The following CHID1 variants were observed in gnomAD, a reference collection of about 807,000 sequenced individuals.
CHID1 encodes chitinase domain-containing protein 1.
A neutral mutation model predicts 55.4 loss-of-function variants in CHID1; 44 were observed. The observed-to-expected ratio is 0.79, with a 90% CI of 0.62 to 1.02. The LOEUF is 1.02. Among genes scored for constraint, CHID1 ranks in the 50% least tolerant of loss-of-function variants. The pLI, the probability that CHID1 is intolerant of heterozygous loss-of-function variation, is 0.00. For synonymous variants in CHID1, 216 were observed against 212.9 expected, an observed-to-expected ratio of 1.01 and a Z score of -0.13; for missense variants, 491 against 515.3, an observed-to-expected ratio of 0.95 and a Z score of 0.46.
chr11:871,183 C>T (rs572076152), intron 10 of CHID1, among the ~76,000 whole-genome samples: 201 of 152,120 alleles, frequency 1.3e-3, no homozygotes, highest in Middle Eastern at 6.8e-3. Flanking sequence ...AGTAGAGATG[C>T]GGTTTCACCG....
At chr11:893,701 G>A (rs1462845381) in intron 7 of CHID1, among the ~76,000 whole-genome samples, 182 bp from the exon 8 acceptor site, 2 of 150,908 alleles carry the variant, frequency 1.3e-5, no homozygotes, top group Non-Finnish European at 3.0e-5. Context: ...CAACAACACT[G>A]TCTCATGCCC....
At chr11:882,978 G>T (rs1298734034) in intron 10 of CHID1, 170 bp downstream of exon 10, 2 of 669,722 alleles carry the variant, frequency 3.0e-6, no homozygotes, top group Non-Finnish European at 2.5e-6. Context: ...TGGGGGCTGC[G>T]GTGGGGTGGG....
At chr11:900,864 A>G in intron 5 of CHID1, 72 bp downstream of exon 5, 10 of 1,271,208 alleles carry the variant, frequency 7.9e-6, no homozygotes, top group Non-Finnish European at 1.1e-5. Context: ...ACACGTGGAG[A>G]CCCCAGTGCC....
intron 2 of CHID1, among the ~76,000 whole-genome samples, chr11:904,258 G>C (rs7947748): frequency 6.6e-6 from 1 of 152,214 alleles, no homozygotes; most frequent in African/African-American, 2.4e-5. Flanking sequence ...CATGGGGACT[G>C]CTGGGGCTGA....
rs922714315 is a variant in CHID1 at position 886,794 on chromosome 11, C to T, written c.702-2625G>A. On this transcript the variant is annotated intron_variant, in intron 8 of 12. Coordinates refer to ENST00000323578, the MANE Select transcript of CHID1 (RefSeq NM_023947.4). ...AGCCCCCCAGCTCACAGCCCCACAT[C>T]GCTCAGGTCCTGGCGGCAGATGCCA... is the stretch of plus-strand genomic sequence containing the variant. Among the ~76,000 whole-genome samples, 4 of 152,352 alleles carry T rather than the reference C, an allele frequency of 2.6e-5. No homozygotes were observed. In the Middle Eastern group the frequency reaches 0.01, roughly 389 times the overall value.
chr11:892,111 T>C (rs1850881814), intron 8 of CHID1, among the ~76,000 whole-genome samples: 1 of 150,864 alleles, frequency 6.6e-6, no homozygotes, highest in Non-Finnish European at 1.5e-5. Context: ...TGAGACTCTA[T>C]CTCAAAAAAA....
intron 9 of CHID1, 120 bp from the exon 10 acceptor site, chr11:883,423 T>G: frequency 3.7e-6 from 4 of 1,073,662 alleles, no homozygotes; most frequent in Non-Finnish European, 5.4e-6. Context: ...CTCTAGAGAG[T>G]TGTAAAGAAC....
Position 875,192 on chromosome 11 carries a change from C to A in CHID1, c.960-4693G>T, listed in dbSNP as rs1375439382. On this transcript the variant is annotated intron_variant, in intron 10 of 12. Coordinates refer to ENST00000323578, the MANE Select transcript of CHID1 (RefSeq NM_023947.4). This position sits in a 1 kb window ranked among gnomAD's most constrained non-coding sequence, Gnocchi z 4.7. ...CCTCCCCAAGCCCACCCTGCAGACA[C>A]TGAAACCCCAGGCCAGGTGCTCCTA... is the stretch of plus-strand genomic sequence containing the variant. Among the ~76,000 whole-genome samples, 1 of 152,270 alleles carries A rather than the reference C, an allele frequency of 6.6e-6. No individual in the cohort carries two copies. The highest frequency in any genetic ancestry group is 2.4e-5 in the African/African-American group (1 of 41,472).
At chr11:902,141 C>T (rs1323455700) in intron 4 of CHID1, 57 bp downstream of exon 4, 2 of 1,605,092 alleles carry the variant, frequency 1.2e-6, no homozygotes, top group Non-Finnish European at 8.5e-7. Flanking sequence ...CCTGCTCTCG[C>T]ACTCACACTC....
At chr11:876,854 T>G (rs1849554574) in intron 10 of CHID1, among the ~76,000 whole-genome samples, 1 of 152,180 alleles carries the variant, frequency 6.6e-6, no homozygotes. Context: ...GGGCAAGAGC[T>G]ACTGGCCACC....
At chr11:891,099 A>T (rs1392891606) in intron 8 of CHID1, among the ~76,000 whole-genome samples, 1 of 145,248 alleles carries the variant, frequency 6.9e-6, no homozygotes, top group Non-Finnish European at 1.5e-5. Context: ...GGGATGGGGG[A>T]AGGATAAACA....
At position 875,491 on chromosome 11, in the gene CHID1, C is replaced by T. The variant is rs1849449541; in HGVS notation, c.960-4992G>A. ...GGCTCCCAGAGGCACAAGCTGTAGA[C>T]ACTGAGGGCCCCGGGTGTGGAGAAG... On this transcript the variant is annotated intron_variant, in intron 10 of 12. Coordinates refer to ENST00000323578, the MANE Select transcript of CHID1 (RefSeq NM_023947.4). This position sits in a 1 kb window ranked among gnomAD's most constrained non-coding sequence, Gnocchi z 4.7. Among the ~76,000 whole-genome samples, 1 of 152,198 alleles carries T rather than the reference C, an allele frequency of 6.6e-6. No individual in the cohort carries two copies. Among genetic ancestry groups the T allele is most frequent in the Non-Finnish European group, 1.5e-5 (1 of 68,036 alleles).
rs535172139 is a variant in CHID1 at position 891,656 on chromosome 11, C to G, written c.701+1771G>C. 7.2e-4 allele frequency among the ~76,000 whole-genome samples: 110 copies of G among 152,322 alleles called. 1 individual carries two copies. Among genetic ancestry groups the G allele is most frequent in the Admixed American group, 9.1e-4 (14 of 15,302 alleles). ...AGTGCCTCACAGAGGTGGCCATGCC[C>G]ATGGCCTCTGGACAAGGAGTGTCTG... On this transcript the variant is annotated intron_variant, in intron 8 of 12. Transcript: ENST00000323578.
rs1851690163 is a variant in CHID1, at chr11:900,048, C to T, written c.502G>A (p.Asp168Asn). The T allele has an allele frequency of 1.2e-6, 2 of 1,614,138 alleles. No homozygotes were observed. The highest frequency in any genetic ancestry group is 1.7e-6 in the Non-Finnish European group (2 of 1,180,008). The change falls in exon 6 of 13, where the codon GAT (aspartate) becomes AAT (asparagine). Residue 168 changes from aspartate (D) to asparagine (N), a missense_variant. By Grantham distance (23) the Asp-to-Asn change is conservative. Coordinates refer to ENST00000323578, the MANE Select transcript of CHID1 (RefSeq NM_023947.4). ...GTCTTGCTCAGCTCCTCTATCTCAT[C>T]CTCACTGTCTAAGACGTTCCGGAAA... ...DDFRNVLDSE[D>N]EIEELSKTVV...
intron 4 of CHID1, among the ~76,000 whole-genome samples, chr11:901,505 G>A (rs1489936315): frequency 6.6e-6 from 1 of 152,150 alleles, no homozygotes; most frequent in Non-Finnish European, 1.5e-5. Flanking sequence ...TCGGGCAGAC[G>A]TCATCAGGTC....
chr11:896,603 CCA>C (rs1851319163), intron 7 of CHID1, among the ~76,000 whole-genome samples: 1 of 135,200 alleles, frequency 7.4e-6, no homozygotes. Context: ...AGCCTCCACC[CCA>C]GACACAATGA....
rs1850207038 is a variant in CHID1, at chr11:884,053, C to T, written c.803+15G>A. On this transcript the variant is annotated intron_variant, in intron 9 of 12. Transcript: ENST00000323578. The stretch of plus-strand genomic sequence containing the variant: ...GAGTTTGCTGTGCCCAGGAGCCCCC[C>T]AAGCCCACACTCACTGATGCGCTGT... 6.2e-7 allele frequency: 1 copy of T among 1,606,714 alleles called. No individual in the cohort carries two copies.
intron 8 of CHID1, among the ~76,000 whole-genome samples, chr11:886,006 G>A (rs577261021): frequency 3.9e-5 from 6 of 152,148 alleles, no homozygotes; most frequent in South Asian, 2.1e-4. Context: ...AAAATTAGCC[G>A]GGCGTGGTGG....
intron 1 of CHID1, among the ~76,000 whole-genome samples, chr11:908,994 G>A (rs1045738130): frequency 4.6e-5 from 7 of 152,228 alleles, no homozygotes; most frequent in African/African-American, 9.7e-5. Context: ...GTCCACTCGC[G>A]CTTAACTTGC....
Sources: allele counts gnomAD v4.1 joint callset (sites outside exome capture counted in the v4.1 genomes callset), GRCh38; gene constraint gnomAD v4.1.1; non-coding constraint Gnocchi (gnomAD v3.1); transcripts MANE v1.5; gene names NCBI Gene and HGNC (gene_info 2026-07-23, HGNC 2026-07-21).